The following PCDHGB5 variants were observed in gnomAD, a reference collection of about 807,000 sequenced individuals.
PCDHGB5 encodes the protein protocadherin gamma subfamily B, 5, also known as protocadherin gamma-B5.
PCDHGB5 carries 48 observed loss-of-function variants against 62.9 expected under a neutral mutation model. The ratio of observed to expected loss-of-function variants is 0.76; its 90% CI spans 0.61 to 0.97. The LOEUF (loss-of-function observed/expected upper bound fraction) is 0.97, where lower values mean the gene tolerates loss of function less well. Ranked by LOEUF, PCDHGB5 falls within the 50% of genes least tolerant of loss-of-function variation. PCDHGB5 has a pLI of 0.00. For missense variants in PCDHGB5, 1,118 were observed against 1,198.6 expected, an observed-to-expected ratio of 0.93 and a Z score of 0.99; for synonymous variants, 474 against 511.2, an observed-to-expected ratio of 0.93 and a Z score of 0.98.
intron 1 of PCDHGB5, among the ~76,000 whole-genome samples, chr5:141,483,393 C>T (rs1475344614): frequency 6.6e-6 from 1 of 152,080 alleles, no homozygotes; most frequent in Admixed American, 6.5e-5. Flanking sequence ...TTGATAAATG[C>T]TTGAACCAGC....
At position 141,419,408 on chromosome 5, in the gene PCDHGB5, C is replaced by T. The variant is rs534591654; in HGVS notation, c.2397+18884C>T. On this transcript the variant is annotated intron_variant, in intron 1 of 3. Coordinates refer to ENST00000617380, the MANE Select transcript of PCDHGB5 (RefSeq NM_018925.3). ...CGCGCAGAGCGGGGTGGTGTTCGCG[C>T]AGCGCGCCTTCGACCACGAGCAGCT... 6.2e-6 allele frequency: 10 copies of T among 1,613,508 alleles called. No individual in the cohort carries two copies. The African/African-American group carries it at 1.3e-4, about 21-fold the overall frequency.
chr5:141,413,051 C>T (rs1316813444), intron 1 of PCDHGB5: 1 of 952,822 alleles, frequency 1.0e-6, no homozygotes, highest in African/African-American at 1.7e-5. Context: ...TGCAGGGAAG[C>T]TCACTCCAGA....
chr5:141,484,591 T>C (rs2099597977), intron 1 of PCDHGB5, among the ~76,000 whole-genome samples: 1 of 152,020 alleles, frequency 6.6e-6, no homozygotes, highest in African/African-American at 2.4e-5. Flanking sequence ...AAGCTACTCA[T>C]TTAGAATACT....
intron 1 of PCDHGB5, among the ~76,000 whole-genome samples, chr5:141,451,908 G>A (rs899191624): frequency 3.9e-5 from 6 of 152,046 alleles, no homozygotes; most frequent in African/African-American, 7.2e-5. Context: ...AAGGGAGGGA[G>A]GGAGGAAGGA....
Position 141,486,587 on chromosome 5 carries a change from G to C in PCDHGB5, c.2398-8220G>C. 6.2e-7 allele frequency: 1 copy of C among 1,613,596 alleles called. No individual in the cohort carries two copies. The highest frequency in any genetic ancestry group is 8.5e-7 in the Non-Finnish European group (1 of 1,180,006). On this transcript the variant is annotated intron_variant, in intron 1 of 3. Transcript: ENST00000617380. The surrounding 1 kb of genome is among the most constrained non-coding windows in gnomAD (Gnocchi z 5.0). ...TGTTCCTGAGAACAATCGCCCAGGG[G>C]ACCTGCTTTGCTCCCTTGCAGCCTC...
intron 1 of PCDHGB5, among the ~76,000 whole-genome samples, chr5:141,455,732 A>G (rs1056074268): frequency 6.6e-6 from 1 of 152,190 alleles, no homozygotes; most frequent in Non-Finnish European, 1.5e-5. Context: ...CTGCATTTGC[A>G]TATCAAAGGT....
intron 1 of PCDHGB5, chr5:141,404,265 T>A: frequency 6.2e-7 from 1 of 1,613,998 alleles, no homozygotes; most frequent in Non-Finnish European, 8.5e-7. Context: ...GAAATTCACA[T>A]CACCCTGCAA....
chr5:141,483,779 A>G (rs1259583177), intron 1 of PCDHGB5, among the ~76,000 whole-genome samples: 2 of 152,146 alleles, frequency 1.3e-5, no homozygotes, highest in Non-Finnish European at 2.9e-5. Context: ...TTGGGGAAGG[A>G]TAAGAACTCC....
At chr5:141,410,693 A>C in intron 1 of PCDHGB5, 1 of 1,496,902 alleles carries the variant, frequency 6.7e-7, no homozygotes, top group Non-Finnish European at 8.9e-7. Flanking sequence ...ATACTACTTT[A>C]TTTTCATATC....
At chr5:141,415,754 T>C in intron 1 of PCDHGB5, 3 of 1,385,738 alleles carry the variant, frequency 2.2e-6, no homozygotes, top group South Asian at 1.7e-5. Context: ...TTTTTTTTTT[T>C]TTTTTTTTTT....
At chr5:141,415,420 G>A in intron 1 of PCDHGB5, 2 of 1,614,226 alleles carry the variant, frequency 1.2e-6, no homozygotes, top group Non-Finnish European at 1.7e-6. Flanking sequence ...GGGCGTGGAC[G>A]GGGTTCGGGC....
intron 1 of PCDHGB5, chr5:141,411,189 T>G (rs1222862554): frequency 6.6e-6 from 1 of 152,208 alleles, no homozygotes; most frequent in Non-Finnish European, 1.5e-5. Context: ...TCTTGGCATC[T>G]AAGAAAACAA....
intron 3 of PCDHGB5, among the ~76,000 whole-genome samples, chr5:141,506,473 G>A (rs976701500): frequency 2.7e-4 from 40 of 150,506 alleles, no homozygotes; most frequent in Admixed American, 1.5e-3. Flanking sequence ...AAAGAGCACA[G>A]GCTTTAGAGG....
chr5:141,439,066 G>A (rs1004595196), intron 1 of PCDHGB5, among the ~76,000 whole-genome samples: 2 of 151,258 alleles, frequency 1.3e-5, no homozygotes, highest in African/African-American at 2.4e-5. Context: ...TGTGGCAGGC[G>A]CCTGTAATCC....
chr5:141,428,858 GACT>G (rs1348026268), intron 1 of PCDHGB5: 1 of 139,194 alleles, frequency 7.2e-6, no homozygotes, highest in African/African-American at 3.0e-5. Flanking sequence ...TTTTACGGGA[GACT>G]TTTTTTTTTT....
At chr5:141,453,517 C>T (rs1001603927) in intron 1 of PCDHGB5, among the ~76,000 whole-genome samples, 1 of 152,062 alleles carries the variant, frequency 6.6e-6, no homozygotes, top group African/African-American at 2.4e-5. Context: ...TCATTCCTCC[C>T]CTATACCTTC....
intron 1 of PCDHGB5, chr5:141,418,530 G>A (rs370822103): frequency 5.0e-6 from 8 of 1,613,834 alleles, no homozygotes; most frequent in Non-Finnish European, 6.8e-6. Context: ...CCCCGAAGCG[G>A]TACTGCTCAG....
At chr5:141,403,913 G>A (rs567115998) in intron 1 of PCDHGB5, 5 of 1,613,844 alleles carry the variant, frequency 3.1e-6, no homozygotes, top group Non-Finnish European at 8.5e-7. Context: ...GGAAATACAA[G>A]CTGAAGATGG....
chr5:141,451,739 G>A (rs1343538104), intron 1 of PCDHGB5, among the ~76,000 whole-genome samples: 1 of 152,082 alleles, frequency 6.6e-6, no homozygotes, highest in East Asian at 1.9e-4. Flanking sequence ...AAAATTAGCT[G>A]GTCTGGTGGT....
Sources: gnomAD v4.1 joint callset for allele counts (sites outside exome capture counted in the v4.1 genomes callset) on GRCh38, gnomAD v4.1.1 for gene constraint, Gnocchi (gnomAD v3.1) non-coding constraint, MANE v1.5 for transcripts, NCBI Gene and HGNC (gene_info 2026-07-23, HGNC 2026-07-21) for gene names.